SYTL2: variants seen among roughly 807,000 people sequenced by gnomAD.
SYTL2 encodes the protein synaptotagmin-like protein 2.
SYTL2 carries 165 observed loss-of-function variants against 198.7 expected under a neutral mutation model. The observed-to-expected ratio is 0.83, with a 90% CI of 0.73 to 0.94. The LOEUF is 0.94. SYTL2 is among the 40% of genes least tolerant of loss of function. SYTL2 has a pLI of 0.00. For missense variants in SYTL2, 2,835 were observed against 2,582.8 expected, an observed-to-expected ratio of 1.10 and a Z score of -2.12; for synonymous variants, 966 against 917.7, an observed-to-expected ratio of 1.05 and a Z score of -0.95.
intron 15 of SYTL2, 95 bp downstream of exon 15, chr11:85,707,334 G>T: frequency 2.5e-6 from 2 of 796,924 alleles, no homozygotes; most frequent in Non-Finnish European, 2.1e-6. Flanking sequence ...CTCCTCTCTT[G>T]GTGACTGACT....
At position 85,746,159 on chromosome 11, in the gene SYTL2, C is replaced by A. The variant is rs143365238; in HGVS notation, c.254-387G>T. ...GGATAGAAGCACCATCATTACCAAG[C>A]ATTTACTGAATAGCTACAATGTGTT... On this transcript the variant is annotated intron_variant, in intron 3 of 19. Transcript: ENST00000359152. Among the ~76,000 whole-genome samples the A allele has an allele frequency of 4.1e-3, 626 of 152,272 alleles. 4 individuals carry two copies. The highest frequency in any genetic ancestry group is 0.013 in the African/African-American group (538 of 41,548).
chr11:85,720,350 A>C (rs1438185021), intron 9 of SYTL2, among the ~76,000 whole-genome samples: 1 of 152,176 alleles, frequency 6.6e-6, no homozygotes, highest in Admixed American at 6.5e-5. Context: ...TAGCCTGTTA[A>C]TTTTGAGTCC....
At chr11:85,846,450 CAG>C in the SYTL2 span, among the ~76,000 whole-genome samples, 1,368 of 152,196 alleles carry the variant, frequency 9.0e-3, 22 homozygotes, top group African/African-American at 0.032. Flanking sequence ...TTTTTTGAGA[CAG>C]AGTTTTGCTC....
chr11:85,810,210 C>T (rs2093013200), intron 1 of SYTL2, among the ~76,000 whole-genome samples: 1 of 152,134 alleles, frequency 6.6e-6, no homozygotes, highest in Non-Finnish European at 1.5e-5. Flanking sequence ...CTGGAGGCTG[C>T]TGGTCACAAA....
intron 1 of SYTL2, among the ~76,000 whole-genome samples, chr11:85,785,001 T>TG (rs1355351107): frequency 1.3e-5 from 2 of 152,124 alleles, no homozygotes; most frequent in Non-Finnish European, 2.9e-5. Flanking sequence ...TCTTCTTATT[T>TG]GGGTATTATT....
rs769246079 is a variant in SYTL2, at chr11:85,745,624, A to C, written c.389+13T>G. 1 of 1,610,278 alleles carries C rather than the reference A, an allele frequency of 6.2e-7. No homozygotes were observed. Among genetic ancestry groups the C allele is most frequent in the Non-Finnish European group, 8.5e-7 (1 of 1,177,272 alleles). The stretch of plus-strand genomic sequence containing the variant: ...GCCACATGCAGCAGCTCTCCCCAGA[A>C]GCTTTGCCTTACCTCGGGCTTGCTG... On this transcript the variant is annotated intron_variant, in intron 4 of 19. Transcript: ENST00000359152.
Position 85,725,044 on chromosome 11 carries a change from T to C in SYTL2, c.4314A>G (p.Val1438=), listed in dbSNP as rs1435209479. 6.2e-7 allele frequency: 1 copy of C among 1,614,194 alleles called. No homozygotes were observed. The highest frequency in any genetic ancestry group is 2.2e-5 in the East Asian group (1 of 44,884). Residue 1438 remains valine, a synonymous_variant, in exon 8 of 20, where the codon GTA becomes GTG. Transcript: ENST00000359152. ...CAACTTCATGAGTTTTATCAGGAAC[T>C]ACATTGGAGGAATAAAAATCCTTCC... is the stretch of plus-strand genomic sequence containing the variant. The part of the protein sequence containing the change: ...PDRKDFYSSN[V]VPDKTHEVGS...
Position 85,726,640 on chromosome 11 carries a change from C to G in SYTL2, c.2718G>C (p.Lys906Asn), listed in dbSNP as rs1360538327. ...QSDKVSLFQN[K>N]KNEPIKRSQV... ...GTGATCTTTTTATAGGCTCATTTTT[C>G]TTATTCTGAAACAGAGACACTTTAT... Residue 906 changes from lysine (K) to asparagine (N), a missense_variant, in exon 8 of 20, where the codon AAG becomes AAC. Around this residue, in one of 3 missense-constraint regions of SYTL2, gnomAD observed 2,645 missense variants for 2,381.7 expected, o/e 1.11. Transcript: ENST00000359152. 1 of 1,537,672 alleles carries G rather than the reference C, an allele frequency of 6.5e-7. No individual in the cohort carries two copies. The highest frequency in any genetic ancestry group is 2.4e-5 in the East Asian group (1 of 41,040).
rs749733845 is a variant in SYTL2, at chr11:85,718,890, G to A, written c.5429-47C>T. 2.5e-6 allele frequency: 4 copies of A among 1,604,326 alleles called. 1 individual carries two copies. In the South Asian group the frequency reaches 3.3e-5, roughly 13 times the overall value. ...ATGGTTAACATGGCTGACCCTTGGAGAGAAAAGAACAATGAGATTGTCCCT... is the reference window on the plus strand; with the variant it reads ...ATGGTTAACATGGCTGACCCTTGGAAAGAAAAGAACAATGAGATTGTCCCT... On this transcript the variant is annotated intron_variant, in intron 9 of 19. Coordinates refer to ENST00000359152, the MANE Select transcript of SYTL2 (RefSeq NM_206927.4).
the SYTL2 span, among the ~76,000 whole-genome samples, chr11:85,838,294 T>A: frequency 6.6e-5 from 10 of 152,236 alleles, no homozygotes; most frequent in African/African-American, 2.4e-4. Flanking sequence ...AAATATATTA[T>A]TTCTTGGGAG....
chr11:85,718,676 A>G, intron 10 of SYTL2, 114 bp downstream of exon 10: 1 of 870,506 alleles, frequency 1.1e-6, no homozygotes, highest in Non-Finnish European at 1.8e-6. Context: ...ACTATTCACC[A>G]CATAGTGGCA....
intron 1 of SYTL2, among the ~76,000 whole-genome samples, chr11:85,763,701 C>CAA (rs751408726): frequency 3.5e-4 from 44 of 123,962 alleles, no homozygotes; most frequent in African/African-American, 1.1e-3. Context: ...ATGAAGGCTT[C>CAA]AAAAAAAAAA....
At chr11:85,721,622 G>A (rs927261174) in intron 8 of SYTL2, among the ~76,000 whole-genome samples, 2 of 152,046 alleles carry the variant, frequency 1.3e-5, no homozygotes, top group African/African-American at 4.8e-5. Context: ...ATTTATTACT[G>A]CTGTATTCTC....
intron 1 of SYTL2, among the ~76,000 whole-genome samples, chr11:85,779,878 G>C (rs1222901938): frequency 6.6e-6 from 1 of 152,192 alleles, no homozygotes; most frequent in Non-Finnish European, 1.5e-5. Context: ...GTGTACTAGA[G>C]AAAGAACACT....
intron 1 of SYTL2, among the ~76,000 whole-genome samples, chr11:85,776,058 C>T (rs2092446126): frequency 6.6e-6 from 1 of 152,168 alleles, no homozygotes; most frequent in Non-Finnish European, 1.5e-5. Context: ...TGAGTCCTCA[C>T]TCTATTAGTT....
chr11:85,726,036 C>T lies in SYTL2; in HGVS notation c.3322G>A (p.Asp1108Asn). The T allele has an allele frequency of 1.2e-6, 2 of 1,612,750 alleles. No homozygotes were observed. Among genetic ancestry groups the T allele is most frequent in the Middle Eastern group, 1.7e-4 (1 of 6,052 alleles). ...IVTPVFKEEK[D>N]YSEQEIQESI... ...TCTTGAATCTCTTGTTCTGAGTAAT[C>T]CTTTTCTTCCTTAAACACTGGAGTA... Residue 1108 changes from aspartate (D) to asparagine (N), a missense_variant, in exon 8 of 20, where the codon GAT becomes AAT. By Grantham distance (23) the Asp-to-Asn change is conservative. Transcript: ENST00000359152.
chr11:85,750,366 T>C (rs908367634), intron 2 of SYTL2, among the ~76,000 whole-genome samples: 2 of 152,214 alleles, frequency 1.3e-5, no homozygotes, highest in Non-Finnish European at 2.9e-5. Context: ...TGTCTTTCCC[T>C]CACTTCTCTG....
At chr11:85,810,728 G>A (rs1191286194) in intron 1 of SYTL2, among the ~76,000 whole-genome samples, 2 of 152,198 alleles carry the variant, frequency 1.3e-5, no homozygotes, top group Non-Finnish European at 2.9e-5. Context: ...CTTCCTGGCC[G>A]CCTGGGCAGC....
chr11:85,701,402 C>T (rs2084282771), intron 16 of SYTL2, among the ~76,000 whole-genome samples: 1 of 152,168 alleles, frequency 6.6e-6, no homozygotes, highest in South Asian at 2.1e-4. Context: ...ATCATATCGG[C>T]ACTCAAAAAG....
Sources: allele counts gnomAD v4.1 joint callset (sites outside exome capture counted in the v4.1 genomes callset), GRCh38; gene constraint gnomAD v4.1.1; regional missense constraint gnomAD v4.1.1; transcripts MANE v1.5; gene names NCBI Gene and HGNC (gene_info 2026-07-23, HGNC 2026-07-21).